The following SLX4IP variants were observed in gnomAD, a reference collection of about 807,000 sequenced individuals.
SLX4IP encodes protein SLX4IP.
SLX4IP carries 34 observed loss-of-function variants against 32.9 expected under a neutral mutation model. The ratio of observed to expected loss-of-function variants is 1.03; its 90% CI spans 0.79 to 1.38. The LOEUF is 1.38. SLX4IP is among the 40% of genes most tolerant of loss of function. The pLI, the probability that SLX4IP is intolerant of heterozygous loss-of-function variation, is 0.00. For missense variants in SLX4IP, 444 were observed against 479.0 expected (o/e 0.93, Z 0.68); for synonymous variants, 172 against 171.7 (o/e 1.00, Z -0.01).
At chr20:10,475,482 G>T (rs768577210) in intron 2 of SLX4IP, among the ~76,000 whole-genome samples, 1 of 152,238 alleles carries the variant, frequency 6.6e-6, no homozygotes, top group Non-Finnish European at 1.5e-5. Flanking sequence ...TGGCATCAGT[G>T]TGCTATTGAG....
intron 4 of SLX4IP, among the ~76,000 whole-genome samples, chr20:10,592,349 C>A (rs574561941): frequency 1.3e-3 from 188 of 148,272 alleles, no homozygotes; most frequent in Admixed American, 2.2e-3. Context: ...TTCTCCAACC[C>A]CCCCCCATCA....
intron 4 of SLX4IP, among the ~76,000 whole-genome samples, chr20:10,596,977 G>A (rs977348925): frequency 6.6e-6 from 1 of 152,128 alleles, no homozygotes; most frequent in Non-Finnish European, 1.5e-5. Flanking sequence ...CAGCAAATCC[G>A]GAGATTATCC....
chr20:10,441,704 A>G (rs1054915191), intron 1 of SLX4IP, among the ~76,000 whole-genome samples: 3 of 149,174 alleles, frequency 2.0e-5, no homozygotes, highest in Non-Finnish European at 4.4e-5. Context: ...TCCTCTTTCC[A>G]GTGTTGAATC....
intron 2 of SLX4IP, among the ~76,000 whole-genome samples, chr20:10,501,370 A>T (rs1235917255): frequency 6.6e-6 from 1 of 152,168 alleles, no homozygotes; most frequent in Non-Finnish European, 1.5e-5. Context: ...TTTCAAAAAA[A>T]GATGCTAATG....
intron 2 of SLX4IP, among the ~76,000 whole-genome samples, chr20:10,536,395 G>A (rs2066044576): frequency 6.6e-6 from 1 of 152,126 alleles, no homozygotes; most frequent in Admixed American, 6.5e-5. Context: ...AATAAATATG[G>A]TGAGTTGGTT....
At chr20:10,589,498 C>T (rs763077905) in intron 4 of SLX4IP, among the ~76,000 whole-genome samples, 2 of 152,064 alleles carry the variant, frequency 1.3e-5, no homozygotes, top group South Asian at 4.1e-4. Context: ...AAATAAAGCT[C>T]AGGTAATTAA....
intron 2 of SLX4IP, among the ~76,000 whole-genome samples, chr20:10,528,912 C>T (rs1001264649): frequency 6.6e-6 from 1 of 152,196 alleles, no homozygotes; most frequent in African/African-American, 2.4e-5. Flanking sequence ...CCAAACACAG[C>T]CTAGCTCAAA....
At chr20:10,451,004 G>A (rs1050740551) in intron 1 of SLX4IP, among the ~76,000 whole-genome samples, 3 of 151,952 alleles carry the variant, frequency 2.0e-5, no homozygotes, top group East Asian at 1.9e-4. Flanking sequence ...CGCCTGCCTC[G>A]GCCTCCCAAA....
At chr20:10,603,195 G>A (rs2066863935) in intron 6 of SLX4IP, among the ~76,000 whole-genome samples, 1 of 152,194 alleles carries the variant, frequency 6.6e-6, no homozygotes, top group South Asian at 2.1e-4. Flanking sequence ...GTTCCAGAAA[G>A]TATTATTACT....
At chr20:10,450,750 G>C (rs1046005290) in intron 1 of SLX4IP, among the ~76,000 whole-genome samples, 2 of 152,184 alleles carry the variant, frequency 1.3e-5, no homozygotes, top group Non-Finnish European at 1.5e-5. Flanking sequence ...CGAAGGCCTA[G>C]TGGTTTTTTT....
intron 4 of SLX4IP, among the ~76,000 whole-genome samples, chr20:10,582,449 A>G (rs2066597050): frequency 1.3e-5 from 2 of 152,052 alleles, no homozygotes; most frequent in Non-Finnish European, 2.9e-5. Context: ...GATTTCCCCA[A>G]TTCAGCTTTC....
At position 10,622,921 on chromosome 20, in the gene SLX4IP, C is replaced by A; in HGVS notation, c.769C>A (p.Pro257Thr). 1 of 1,614,108 alleles carries A rather than the reference C, an allele frequency of 6.2e-7. No individual in the cohort carries two copies. Among genetic ancestry groups the A allele is most frequent in the Non-Finnish European group, 8.5e-7 (1 of 1,180,028 alleles). The part of the protein sequence containing the change: ...QPEDTSGQQK[P>T]HPGERLKTGL... ...AGAAGACACTAGTGGCCAGCAAAAA[C>A]CTCATCCTGGGGAGCGGTTAAAGAC... The change falls in exon 8 of 8, where the codon CCT becomes ACT. Residue 257 changes from proline to threonine, a missense_variant. Coordinates refer to ENST00000334534, the MANE Select transcript of SLX4IP (RefSeq NM_001009608.3).
intron 4 of SLX4IP, among the ~76,000 whole-genome samples, chr20:10,570,375 A>G (rs1406465988): frequency 6.6e-6 from 1 of 152,126 alleles, no homozygotes; most frequent in Non-Finnish European, 1.5e-5. Flanking sequence ...TCTCATGTTG[A>G]GCCACATACC....
chr20:10,627,526 T>C lies in SLX4IP; in HGVS notation c.*4147T>C, dbSNP rs2067187003. ...GAAATCTGCAGGACTCACTCTAATTTGCTTTCTATATTTATTTACAAGACA... is the reference window on the plus strand; with the variant it reads ...GAAATCTGCAGGACTCACTCTAATTCGCTTTCTATATTTATTTACAAGACA... On this transcript the variant is annotated 3_prime_UTR_variant, in exon 8 of 8. Transcript: ENST00000334534. The C allele has an allele frequency of 1.3e-5, 2 of 152,252 alleles. No individual in the cohort carries two copies. Among genetic ancestry groups the C allele is most frequent in the Admixed American group, 6.5e-5 (1 of 15,286 alleles). 9.4% of individuals were successfully genotyped at this position (152,252 alleles called of 1,614,324 possible).
intron 5 of SLX4IP, among the ~76,000 whole-genome samples, chr20:10,601,393 A>G (rs2122549393): frequency 6.6e-6 from 1 of 152,278 alleles, no homozygotes; most frequent in African/African-American, 2.4e-5. Flanking sequence ...GCTCATTTTG[A>G]AAACATTGAT....
chr20:10,499,198 A>C (rs992606270), intron 2 of SLX4IP, among the ~76,000 whole-genome samples: 34 of 152,146 alleles, frequency 2.2e-4, no homozygotes. Flanking sequence ...TTGGACTTTT[A>C]TAGCTTACTC....
At chr20:10,524,887 C>T (rs990101113) in intron 2 of SLX4IP, among the ~76,000 whole-genome samples, 1 of 152,164 alleles carries the variant, frequency 6.6e-6, no homozygotes, top group Non-Finnish European at 1.5e-5. Flanking sequence ...CATTTCTCCT[C>T]GTCATTTCTA....
chr20:10,554,127 A>G (rs2066245271), intron 2 of SLX4IP, among the ~76,000 whole-genome samples: 1 of 151,926 alleles, frequency 6.6e-6, no homozygotes, highest in Non-Finnish European at 1.5e-5. Context: ...CCAGTTTTTT[A>G]CCCCCCTGGG....
At chr20:10,526,582 A>G (rs779559110) in intron 2 of SLX4IP, among the ~76,000 whole-genome samples, 37 of 152,198 alleles carry the variant, frequency 2.4e-4, no homozygotes, top group Non-Finnish European at 4.9e-4. Flanking sequence ...TATGGATGAC[A>G]TAACAAATTG....
Sources: allele counts gnomAD v4.1 joint callset (sites outside exome capture counted in the v4.1 genomes callset), GRCh38; gene constraint gnomAD v4.1.1; transcripts MANE v1.5; gene names NCBI Gene and HGNC (gene_info 2026-07-23, HGNC 2026-07-21).